Variants in BRWD1 observed in about 807,000 individuals in gnomAD.
BRWD1 encodes the protein bromodomain and WD repeat-containing protein 1.
A neutral mutation model predicts 251.2 loss-of-function variants in BRWD1; 82 were observed. The ratio of observed to expected loss-of-function variants is 0.33; its 90% confidence interval spans 0.27 to 0.39. The LOEUF is 0.39. BRWD1 is among the 10% of genes least tolerant of loss of function. The pLI, the probability that BRWD1 is intolerant of heterozygous loss-of-function variation, is 1.00. For synonymous variants in BRWD1, 918 were observed against 902.8 expected, an observed-to-expected ratio of 1.02 and a Z score of -0.30; for missense variants, 2,233 against 2,711.6, an observed-to-expected ratio of 0.82 and a Z score of 3.92.
intron 4 of BRWD1, among the ~76,000 whole-genome samples, chr21:39,303,397 T>C (rs990308194): frequency 1.3e-5 from 2 of 150,150 alleles, no homozygotes; most frequent in East Asian, 4.0e-4. Flanking sequence ...CAGGTGACTG[T>C]AATCTCAGCT....
chr21:39,274,543 T>C (rs1272697223), intron 12 of BRWD1, 71 bp from the exon 13 acceptor site: 2 of 1,208,574 alleles, frequency 1.7e-6, no homozygotes, highest in Non-Finnish European at 2.4e-6. Flanking sequence ...TAAAATCACA[T>C]GCAAAAAAAG....
chr21:39,206,620 G>A (rs2836939), intron 36 of BRWD1, among the ~76,000 whole-genome samples: 23,242 of 152,174 alleles, frequency 0.15, 2,185 homozygotes, highest in Non-Finnish European at 0.21. Context: ...GAAGTTGAAT[G>A]GTTTTAAGGC....
chr21:39,299,259 AAT>A (rs1491566538), intron 4 of BRWD1, among the ~76,000 whole-genome samples: 137 of 126,160 alleles, frequency 1.1e-3, no homozygotes, highest in South Asian at 6.3e-3. Context: ...AAAAAAAAAA[AAT>A]ATATATATAT....
chr21:39,270,029 T>C lies in BRWD1; in HGVS notation c.1400A>G (p.His467Arg). ...CTCCAGAACAAATACTTCATCAGCA[T>C]GTCCCTTTATTTAACAAAGTCATAA... The part of the protein sequence containing the change: ...TGQLLHNLMG[H>R]ADEVFVLETH... Residue 467 changes from histidine to arginine, a missense_variant, in exon 15 of 41, where the codon CAT (histidine) becomes CGT (arginine). By Grantham distance (29) the His-to-Arg change is conservative. Around this residue, in one of 12 missense-constraint regions of BRWD1, gnomAD observed 315 missense variants for 421.8 expected, o/e 0.75. Transcript: ENST00000342449. 2.6e-6 allele frequency: 4 copies of C among 1,559,926 alleles called. No homozygotes were observed. Among genetic ancestry groups the C allele is most frequent in the Non-Finnish European group, 3.5e-6 (4 of 1,155,136 alleles).
At position 39,192,613 on chromosome 21, in the gene BRWD1, T is replaced by C. The variant is rs1390035327; in HGVS notation, c.*3646A>G. On this transcript the variant is annotated 3_prime_UTR_variant, in exon 41 of 41. Coordinates refer to ENST00000342449, the MANE Select transcript of BRWD1 (RefSeq NM_033656.4). ...ACAGTATTTGGTGACAACTGCAAGA[T>C]ACCTGATAAATAAATATATCAACTT... is the stretch of plus-strand genomic sequence containing the variant. 5.1e-6 allele frequency: 5 copies of C among 983,954 alleles called. No homozygotes were observed. Among genetic ancestry groups the C allele is most frequent in the Admixed American group, 6.2e-5 (1 of 16,240 alleles). The allele number at this position is 983,954 out of a possible 1,614,324, so 61.0% of individuals were successfully genotyped here.
chr21:39,291,283 A>T (rs1359092140), intron 8 of BRWD1, among the ~76,000 whole-genome samples: 6 of 152,168 alleles, frequency 3.9e-5, no homozygotes, highest in African/African-American at 1.4e-4. Flanking sequence ...GAATGTGCAT[A>T]AAAAAATTGA....
upstream of BRWD1, among the ~76,000 whole-genome samples, chr21:39,315,424 G>C (rs1420441335): frequency 6.6e-6 from 1 of 152,000 alleles, no homozygotes; most frequent in Non-Finnish European, 1.5e-5. Flanking sequence ...CACGAGGTCA[G>C]GAAATCAAGA....
chr21:39,264,233 A>T (rs1046173116), intron 17 of BRWD1, among the ~76,000 whole-genome samples: 1 of 152,182 alleles, frequency 6.6e-6, no homozygotes, highest in African/African-American at 2.4e-5. Context: ...CCTAATTGTC[A>T]TAAGTGTCTA....
rs2031872574 is a variant in BRWD1, at chr21:39,197,299, G to A, written c.5770C>T (p.Leu1924Phe). 3.1e-6 allele frequency: 5 copies of A among 1,614,000 alleles called. No homozygotes were observed. The South Asian group carries it at 5.5e-5, about 18-fold the overall frequency. ...GCACATCTTCGAGTAATCCTCAGGA[G>A]ACCTGTTCTGGCTTTTGATGATTTC... is the stretch of plus-strand genomic sequence containing the variant. ...VKKSSKARTG[L>F]LRITRRCAAT... The change falls in exon 41 of 41, where the codon CTC becomes TTC. Residue 1924 changes from leucine to phenylalanine, a missense_variant. Coordinates refer to ENST00000342449, the MANE Select transcript of BRWD1 (RefSeq NM_033656.4).
At chr21:39,264,098 C>T (rs1237513307) in intron 17 of BRWD1, among the ~76,000 whole-genome samples, 2 of 152,014 alleles carry the variant, frequency 1.3e-5, no homozygotes, top group African/African-American at 2.4e-5. Flanking sequence ...TTTCGTATTT[C>T]GTATGTGGTC....
Position 39,194,610 on chromosome 21 carries a change from A to G in BRWD1, c.*1649T>C. 1.3e-6 allele frequency: 2 copies of G among 1,512,620 alleles called. No individual in the cohort carries two copies. Among genetic ancestry groups the G allele is most frequent in the Non-Finnish European group, 1.8e-6 (2 of 1,134,810 alleles). The allele number at this position is 1,512,620 out of a possible 1,614,324, so 93.7% of individuals were successfully genotyped here. On this transcript the variant is annotated 3_prime_UTR_variant, in exon 41 of 41. Coordinates refer to ENST00000342449, the MANE Select transcript of BRWD1 (RefSeq NM_033656.4). ...CATCCTTCCCCATGCATCAGAGTAG[A>G]AAGAAAATGTACCTTCTACTATGTC...
Position 39,206,173 on chromosome 21 carries a change from TCGAAGTTTTTC to T in BRWD1, c.4288_4298del (p.Glu1430LysfsTer12), listed in dbSNP as rs771297097. The stretch of plus-strand genomic sequence containing the variant: ...GCCGTTGCTTGAACCTCTGGCTTCT[TCGAAGTTTTTC>T]ATTGAATTTTTGACCAATTTTAAAA... On this transcript the variant is annotated frameshift_variant, in exon 37 of 41. Coordinates refer to ENST00000342449, the MANE Select transcript of BRWD1 (RefSeq NM_033656.4). LOFTEE classifies it high-confidence loss of function. 1 of 1,613,868 alleles carries T rather than the reference TCGAAGTTTTTC, an allele frequency of 6.2e-7. No individual in the cohort carries two copies. The highest frequency in any genetic ancestry group is 8.5e-7 in the Non-Finnish European group (1 of 1,179,938).
chr21:39,297,270 C>T (rs1225168523), intron 5 of BRWD1: 11 of 985,350 alleles, frequency 1.1e-5, no homozygotes, highest in Non-Finnish European at 1.3e-5. Context: ...GTGCCCCAAA[C>T]TAACAGACAT....
At chr21:39,290,612 C>A (rs999540524) in intron 8 of BRWD1, among the ~76,000 whole-genome samples, 1 of 152,168 alleles carries the variant, frequency 6.6e-6, no homozygotes, top group South Asian at 2.1e-4. Flanking sequence ...TAGAACTCCA[C>A]TTTCAAAGAA....
chr21:39,311,362 CAA>C (rs2146810357), intron 4 of BRWD1, among the ~76,000 whole-genome samples: 1 of 151,918 alleles, frequency 6.6e-6, no homozygotes, highest in South Asian at 2.1e-4. Context: ...TTTGTGGAGA[CAA>C]GAGTTGGTCT....
chr21:39,251,489 T>C (rs191816133), intron 19 of BRWD1, among the ~76,000 whole-genome samples: 3 of 152,330 alleles, frequency 2.0e-5, no homozygotes, highest in East Asian at 3.9e-4. Flanking sequence ...TATGTTTTTG[T>C]TTACTTTAAC....
Position 39,197,076 on chromosome 21 carries a change from G to C in BRWD1, c.5993C>G (p.Pro1998Arg), listed in dbSNP as rs758076629. Residue 1998 changes from proline (P) to arginine (R), a missense_variant, in exon 41 of 41, where the codon CCA (proline) becomes CGA (arginine). Pro to Arg is a moderately radical substitution (Grantham distance 103). Transcript: ENST00000342449. ...PSEQYACEGK[P>R]PDPDSEGSTK... ...ACTACCTTCGGAGTCAGGATCAGGT[G>C]GCTTGCCTTCACAGGCATACTGTTC... is the stretch of plus-strand genomic sequence containing the variant. 6.2e-7 allele frequency: 1 copy of C among 1,614,096 alleles called. No homozygotes were observed. The highest frequency in any genetic ancestry group is 8.5e-7 in the Non-Finnish European group (1 of 1,179,958).
intron 31 of BRWD1, chr21:39,217,501 C>A: frequency 5.3e-6 from 1 of 190,016 alleles, no homozygotes; most frequent in Non-Finnish European, 1.1e-5. Flanking sequence ...AACTACTTGG[C>A]CAATCACAAT....
chr21:39,224,978 A>G (rs2033323354), intron 28 of BRWD1, 108 bp downstream of exon 28: 1 of 830,520 alleles, frequency 1.2e-6, no homozygotes, highest in African/African-American at 1.7e-5. Flanking sequence ...ACATGACTTA[A>G]TGACAGATAA....
Sources: allele counts gnomAD v4.1 joint callset (sites outside exome capture counted in the v4.1 genomes callset), GRCh38; gene constraint gnomAD v4.1.1; regional missense constraint gnomAD v4.1.1; transcripts MANE v1.5; gene names NCBI Gene and HGNC (gene_info 2026-07-23, HGNC 2026-07-21).